Variants in MCC observed in about 807,000 individuals in gnomAD.
The protein encoded by MCC is MCC regulator of Wnt signaling pathway, also known as colorectal mutant cancer protein.
Under a neutral mutation model 116.2 loss-of-function variants are expected in MCC, and 90 were observed. That is an observed-to-expected ratio of 0.77 (90% CI 0.65 to 0.92). The LOEUF (loss-of-function observed/expected upper bound fraction) is 0.92, where lower values mean the gene tolerates loss of function less well. Among genes scored for constraint, MCC ranks in the 40% least tolerant of loss-of-function variants. The probability of loss-of-function intolerance (pLI) is 0.00; values close to 1 mark genes in which losing one functional copy is unlikely to be tolerated. For synonymous variants in MCC, 578 were observed against 510.5 expected, an observed-to-expected ratio of 1.13 and a Z score of -1.78; for missense variants, 1,516 against 1,312.2, an observed-to-expected ratio of 1.16 and a Z score of -2.40.
intron 5 of MCC, among the ~76,000 whole-genome samples, chr5:113,139,086 T>A (rs980523954): frequency 6.6e-6 from 1 of 152,120 alleles, no homozygotes; most frequent in African/African-American, 2.4e-5. Flanking sequence ...ACTACAACTA[T>A]CCCTAGCAGG....
At chr5:113,076,265 C>A (rs181535331) in intron 11 of MCC, among the ~76,000 whole-genome samples, 2 of 152,274 alleles carry the variant, frequency 1.3e-5, no homozygotes, top group East Asian at 1.9e-4. Flanking sequence ...ACGTCCCCAA[C>A]CTAGCAAGGC....
chr5:113,339,967 CT>C (rs1460085627), intron 3 of MCC, among the ~76,000 whole-genome samples: 1 of 152,252 alleles, frequency 6.6e-6, no homozygotes, highest in Non-Finnish European at 1.5e-5. Flanking sequence ...GCAGCCCTGA[CT>C]TAGAAGAGAA....
intron 12 of MCC, 77 bp from the exon 13 acceptor site, chr5:113,068,260 G>A: frequency 9.0e-7 from 1 of 1,113,294 alleles, no homozygotes; most frequent in Non-Finnish European, 1.3e-6. Flanking sequence ...TTTCTGTGCA[G>A]GAGGCAGCTC....
intron 5 of MCC, among the ~76,000 whole-genome samples, chr5:113,133,854 G>C (rs1400884743): frequency 2.6e-5 from 4 of 152,058 alleles, no homozygotes; most frequent in Non-Finnish European, 2.9e-5. Context: ...TTGTGATTTT[G>C]AATACTTTTT....
intron 2 of MCC, among the ~76,000 whole-genome samples, chr5:113,371,781 T>G (rs1383397304): frequency 6.6e-6 from 1 of 152,246 alleles, no homozygotes; most frequent in Non-Finnish European, 1.5e-5. Flanking sequence ...GAATTTGCAT[T>G]AGTCTTACAA....
intron 2 of MCC, among the ~76,000 whole-genome samples, chr5:113,376,572 T>TACAC (rs1317707573): frequency 2.6e-5 from 2 of 76,366 alleles, no homozygotes; most frequent in African/African-American, 1.9e-4. Context: ...TGCCATATTT[T>TACAC]ATACACACAC....
chr5:113,457,326 G>A (rs1038236364), intron 1 of MCC, among the ~76,000 whole-genome samples: 1 of 152,240 alleles, frequency 6.6e-6, no homozygotes, highest in Non-Finnish European at 1.5e-5. Context: ...TCCCCCAGCA[G>A]TGCCAGCCCA....
At chr5:113,037,504 G>A (rs1262163019) in intron 17 of MCC, among the ~76,000 whole-genome samples, 2 of 152,132 alleles carry the variant, frequency 1.3e-5, no homozygotes, top group African/African-American at 2.4e-5. Flanking sequence ...ATCAGCCTGG[G>A]CAACATGGTG....
intron 3 of MCC, among the ~76,000 whole-genome samples, chr5:113,172,173 C>A (rs989288849): frequency 6.6e-6 from 1 of 152,210 alleles, no homozygotes; most frequent in Non-Finnish European, 1.5e-5. Context: ...ACAATCCAGG[C>A]ACCTGACTTA....
intron 1 of MCC, among the ~76,000 whole-genome samples, chr5:113,413,426 T>C (rs1345767815): frequency 2.0e-5 from 3 of 152,220 alleles, no homozygotes; most frequent in Non-Finnish European, 4.4e-5. Flanking sequence ...TGGTAGGCTA[T>C]TGATTATTGC....
chr5:113,260,491 T>C (rs185248738), intron 3 of MCC, among the ~76,000 whole-genome samples: 513 of 152,178 alleles, frequency 3.4e-3, no homozygotes, highest in Non-Finnish European at 5.4e-3. Context: ...AGTTGGAAAA[T>C]GAAGGGTGTC....
At chr5:113,210,054 C>G (rs1042736951) in intron 3 of MCC, among the ~76,000 whole-genome samples, 2 of 152,192 alleles carry the variant, frequency 1.3e-5, no homozygotes, top group African/African-American at 4.8e-5. Flanking sequence ...TCTCTTCTCA[C>G]CGCAGCCATA....
intron 2 of MCC, among the ~76,000 whole-genome samples, chr5:113,381,217 T>G (rs1395120354): frequency 6.6e-6 from 1 of 152,210 alleles, no homozygotes; most frequent in Middle Eastern, 3.2e-3. Flanking sequence ...CAGTGGGACT[T>G]GCCAGCTTGA....
At chr5:113,038,360 C>T (rs1382379849) in intron 17 of MCC, among the ~76,000 whole-genome samples, 1 of 152,080 alleles carries the variant, frequency 6.6e-6, no homozygotes. Flanking sequence ...AAACCACAAT[C>T]CCTGGCCCTA....
intron 14 of MCC, among the ~76,000 whole-genome samples, chr5:113,061,173 T>TG (rs1250625327): frequency 3.3e-5 from 5 of 152,344 alleles, no homozygotes; most frequent in African/African-American, 1.2e-4. Context: ...CCTGGCTACC[T>TG]GGAGGTACCT....
intron 11 of MCC, 128 bp from the exon 12 acceptor site, chr5:113,071,362 C>T: frequency 1.1e-6 from 1 of 919,620 alleles, no homozygotes; most frequent in East Asian, 2.5e-5. Context: ...GTAGCTGACA[C>T]AGTATTTTGT....
chr5:113,488,344 C>G lies in MCC; in HGVS notation c.71G>C (p.Ser24Thr). The G allele has an allele frequency of 1.3e-6, 2 of 1,515,712 alleles. No individual in the cohort carries two copies. The highest frequency in any genetic ancestry group is 1.4e-5 in the African/African-American group (1 of 69,578). 93.9% of individuals were successfully genotyped at this position (1,515,712 alleles called of 1,614,324 possible). A position where few individuals can be genotyped will look rare whatever the true frequency, so the allele number is the denominator to read the frequency against. Residue 24 changes from serine to threonine, a missense_variant, in exon 1 of 19, where the codon AGC becomes ACC. Transcript: ENST00000408903. ...GGACGTGTCGCTGCTGCTGCTGCTGCTGCCGCTGCCGCCGCCGCCGCCGCC... is the reference window on the plus strand; with the variant it reads ...GGACGTGTCGCTGCTGCTGCTGCTGGTGCCGCTGCCGCCGCCGCCGCCGCC... ...SSGGGGGGSG[S>T]SSSSSDTSST...
intron 1 of MCC, among the ~76,000 whole-genome samples, chr5:113,392,079 G>T (rs974641608): frequency 6.6e-6 from 1 of 152,006 alleles, no homozygotes; most frequent in Non-Finnish European, 1.5e-5. Context: ...TAGAAAAATG[G>T]GTAAGGCTAG....
At chr5:113,479,385 TG>T (rs1772313826) in intron 1 of MCC, among the ~76,000 whole-genome samples, 1 of 152,132 alleles carries the variant, frequency 6.6e-6, no homozygotes, top group Non-Finnish European at 1.5e-5. Context: ...CTGATTTTGG[TG>T]GTGGTTAAAG....
Sources: gnomAD v4.1 joint callset for allele counts (sites outside exome capture counted in the v4.1 genomes callset) on GRCh38, gnomAD v4.1.1 for gene constraint, MANE v1.5 for transcripts, NCBI Gene and HGNC (gene_info 2026-07-23, HGNC 2026-07-21) for gene names.